Variants in CA2 observed in about 807,000 individuals in gnomAD.
CA2 encodes carbonate dehydratase II.
In CA2, 23 loss-of-function variants were observed where a neutral mutation model predicts 27.8. That is an observed-to-expected ratio of 0.83 (90% CI 0.59 to 1.17). The LOEUF is 1.17. Ranked by LOEUF, CA2 falls within the 50% of genes most tolerant of loss-of-function variation. The probability of loss-of-function intolerance (pLI) is 0.00; values close to 1 mark genes in which losing one functional copy is unlikely to be tolerated. For missense variants in CA2, 300 were observed against 314.7 expected (o/e 0.95, Z 0.35); for synonymous variants, 99 against 114.9 (o/e 0.86, Z 0.88).
intron 6 of CA2, 150 bp from the exon 7 acceptor site, chr8:85,480,520 C>G: frequency 1.4e-6 from 1 of 694,008 alleles, no homozygotes; most frequent in East Asian, 3.2e-5. Flanking sequence ...AAGTGATCCA[C>G]CCGCCTCATG....
intron 3 of CA2, chr8:85,474,045 C>G (rs369573581): frequency 3.6e-5 from 22 of 605,516 alleles, no homozygotes; most frequent in African/African-American, 1.7e-4. Flanking sequence ...CGGACTCAAA[C>G]TGGAGGATCC....
At chr8:85,466,480 T>C (rs753653152) in intron 2 of CA2, among the ~76,000 whole-genome samples, 9 of 152,132 alleles carry the variant, frequency 5.9e-5, no homozygotes, top group Non-Finnish European at 1.0e-4. Flanking sequence ...AGCTATCCTA[T>C]ATAGTCAACT....
At chr8:85,465,989 C>A (rs1811623558) in intron 2 of CA2, among the ~76,000 whole-genome samples, 1 of 151,982 alleles carries the variant, frequency 6.6e-6, no homozygotes, top group Non-Finnish European at 1.5e-5. Context: ...ATAAAGATGG[C>A]AGCATGTTTT....
At chr8:85,468,756 C>G (rs185085658) in intron 2 of CA2, among the ~76,000 whole-genome samples, 1 of 151,550 alleles carries the variant, frequency 6.6e-6, no homozygotes, top group Non-Finnish European at 1.5e-5. Flanking sequence ...GAGACTCCAT[C>G]TCAAAACAAA....
At chr8:85,475,957 A>T in intron 5 of CA2, 97 bp downstream of exon 5, 2 of 921,472 alleles carry the variant, frequency 2.2e-6, no homozygotes, top group Middle Eastern at 2.1e-4. Flanking sequence ...AGTCTCAATG[A>T]CATGTGGTGT....
Position 85,477,231 on chromosome 8 carries a change from A to T in CA2, c.619A>T (p.Thr207Ser). Residue 207 changes from threonine (T) to serine (S), a missense_variant, in exon 6 of 7, where the codon ACC becomes TCC. Physicochemically the swap from Thr to Ser is moderately conservative, Grantham distance 58. Coordinates refer to ENST00000285379, the MANE Select transcript of CA2 (RefSeq NM_000067.3). The stretch of plus-strand genomic sequence containing the variant: ...CACCCCTCCTCTTCTGGAATGTGTG[A>T]CCTGGATTGTGCTCAAGGAACCCAT... ...LTTPPLLECV[T>S]WIVLKEPISV... 1 of 1,614,068 alleles carries T rather than the reference A, an allele frequency of 6.2e-7. No homozygotes were observed. The highest frequency in any genetic ancestry group is 1.1e-5 in the South Asian group (1 of 91,074).
chr8:85,477,059 C>G, intron 5 of CA2, 61 bp from the exon 6 acceptor site: 1 of 1,569,538 alleles, frequency 6.4e-7, no homozygotes, highest in Non-Finnish European at 8.8e-7. Context: ...CTGCTGCTCT[C>G]CTACCTTCCT....
intron 1 of CA2, chr8:85,464,521 G>A (rs964699167): frequency 7.1e-5 from 12 of 167,922 alleles, no homozygotes. Context: ...GAAATTAAGA[G>A]ACTCCCCTCC....
intron 2 of CA2, among the ~76,000 whole-genome samples, chr8:85,466,658 G>C (rs1369664674): frequency 1.6e-5 from 2 of 128,516 alleles, no homozygotes; most frequent in Admixed American, 9.1e-5. Flanking sequence ...CCCCTCCCCA[G>C]TACACACATA....
At position 85,473,656 on chromosome 8, in the gene CA2, C is replaced by CATATATGTTACATATAT. The variant is rs745661530; in HGVS notation, c.233-27_233-11dup. On this transcript the variant is annotated intron_variant, in intron 2 of 6. Transcript: ENST00000285379. ...GTATATATGTGTATGCAGATACATA[C>CATATATGTTACATATAT]ATATATGTTACATATATATATATGT... 6 of 983,608 alleles carry CATATATGTTACATATAT rather than the reference C, an allele frequency of 6.1e-6. No homozygotes were observed. The Admixed American group carries it at 1.0e-4, about 17-fold the overall frequency. The allele number at this position is 983,608 out of a possible 1,614,324, so 60.9% of individuals were successfully genotyped here. A position where few individuals can be genotyped will look rare whatever the true frequency, so the allele number is the denominator to read the frequency against.
At chr8:85,465,579 C>T (rs1430462659) in intron 2 of CA2, 110 bp downstream of exon 2, 2 of 891,292 alleles carry the variant, frequency 2.2e-6, no homozygotes, top group East Asian at 5.3e-5. Context: ...CAGTTTGTCT[C>T]AGGACTCAAG....
intron 2 of CA2, among the ~76,000 whole-genome samples, chr8:85,470,281 T>C (rs1811694933): frequency 6.6e-6 from 1 of 152,194 alleles, no homozygotes; most frequent in Non-Finnish European, 1.5e-5. Flanking sequence ...CCTAGGATTA[T>C]TGGCTGCTGC....
intron 6 of CA2, among the ~76,000 whole-genome samples, chr8:85,478,680 A>G (rs1262484604): frequency 6.6e-6 from 1 of 152,164 alleles, no homozygotes; most frequent in African/African-American, 2.4e-5. Context: ...TAAACTAATG[A>G]TGTTAATTGT....
At chr8:85,477,650 C>T (rs971599512) in intron 6 of CA2, among the ~76,000 whole-genome samples, 10 of 152,008 alleles carry the variant, frequency 6.6e-5, no homozygotes, top group African/African-American at 2.4e-4. Flanking sequence ...TACTCACTCA[C>T]ATAAGGGCTT....
At chr8:85,476,648 C>T (rs1436845960) in intron 5 of CA2, among the ~76,000 whole-genome samples, 2 of 152,250 alleles carry the variant, frequency 1.3e-5, no homozygotes, top group Admixed American at 6.5e-5. Flanking sequence ...GTCATTCTTC[C>T]AGTAAATCAT....
intron 2 of CA2, among the ~76,000 whole-genome samples, chr8:85,470,233 A>G (rs991274842): frequency 2.0e-5 from 3 of 152,116 alleles, no homozygotes; most frequent in Non-Finnish European, 4.4e-5. Context: ...GAATACGTGT[A>G]TTTTTTCCCC....
intron 2 of CA2, among the ~76,000 whole-genome samples, chr8:85,472,276 T>C (rs1811723325): frequency 6.6e-6 from 1 of 152,232 alleles, no homozygotes; most frequent in South Asian, 2.1e-4. Flanking sequence ...TAGCAACAAA[T>C]GTTTAATTCC....
rs1811886539 is a variant in CA2 at position 85,481,241 on chromosome 8, T to A, written c.*452T>A. 6.5e-6 allele frequency: 1 copy of A among 154,630 alleles called. No homozygotes were observed. Among genetic ancestry groups the A allele is most frequent in the Admixed American group, 6.4e-5 (1 of 15,688 alleles). The allele number at this position is 154,630 out of a possible 1,614,324, so 9.6% of individuals were successfully genotyped here. On this transcript the variant is annotated 3_prime_UTR_variant, in exon 7 of 7. Transcript: ENST00000285379. ...TGTAATGTAAACCAGAAAAAATAAA[T>A]GTTCATGATTTCAAGATGTTATATT...
At chr8:85,466,453 G>A (rs971762589) in intron 2 of CA2, among the ~76,000 whole-genome samples, 1 of 152,060 alleles carries the variant, frequency 6.6e-6, no homozygotes, top group African/African-American at 2.4e-5. Context: ...TAGTCAGGTA[G>A]ACTATTCTTT....
Sources: gnomAD v4.1 joint callset for allele counts (sites outside exome capture counted in the v4.1 genomes callset) on GRCh38, gnomAD v4.1.1 for gene constraint, MANE v1.5 for transcripts, NCBI Gene and HGNC (gene_info 2026-07-23, HGNC 2026-07-21) for gene names.